SNX30: variants seen among roughly 807,000 people sequenced by gnomAD.
SNX30 encodes sorting nexin-30.
Under a neutral mutation model 46.4 loss-of-function variants are expected in SNX30, and 24 were observed. The observed-to-expected ratio is 0.52, with a 90% confidence interval of 0.37 to 0.73. The LOEUF is 0.73. Ranked by LOEUF, SNX30 falls within the 30% of genes least tolerant of loss-of-function variation. The pLI, the probability that SNX30 is intolerant of heterozygous loss-of-function variation, is 0.00. For synonymous variants in SNX30, 189 were observed against 211.5 expected, an observed-to-expected ratio of 0.89 and a Z score of 0.92; for missense variants, 533 against 555.7, an observed-to-expected ratio of 0.96 and a Z score of 0.41.
chr9:112,796,093 C>T (rs973271301), intron 1 of SNX30, among the ~76,000 whole-genome samples: 4 of 152,236 alleles, frequency 2.6e-5, no homozygotes, highest in Non-Finnish European at 2.9e-5. Context: ...ACTGGTCCCT[C>T]GGATGTGGAA....
chr9:112,752,724 T>A (rs1401908429), intron 1 of SNX30, among the ~76,000 whole-genome samples: 1 of 152,100 alleles, frequency 6.6e-6, no homozygotes, highest in African/African-American at 2.4e-5. Context: ...GGACACTGAA[T>A]TAATTATCTA....
intron 6 of SNX30, among the ~76,000 whole-genome samples, chr9:112,844,419 T>A (rs1273735186): frequency 6.6e-6 from 1 of 152,104 alleles, no homozygotes; most frequent in East Asian, 1.9e-4. Flanking sequence ...GAGTCATTAG[T>A]GTATGAATGG....
At chr9:112,825,016 G>A (rs183722809) in intron 3 of SNX30, among the ~76,000 whole-genome samples, 1 of 152,206 alleles carries the variant, frequency 6.6e-6, no homozygotes, top group Non-Finnish European at 1.5e-5. Flanking sequence ...TTCCCAGCCC[G>A]GCTATAATGA....
In SNX30 at chr9:112,840,482, T is replaced by TTTTG. The variant is rs531050664; in HGVS notation, c.1014+1797_1014+1800dup. Among the ~76,000 whole-genome samples the TTTTG allele has an allele frequency of 2.2e-3, 337 of 152,282 alleles. 3 individuals are homozygous for TTTTG. The highest frequency in any genetic ancestry group is 0.018 in the South Asian group (87 of 4,820). On this transcript the variant is annotated intron_variant, in intron 6 of 8. Transcript: ENST00000374232. ...TTATCAAACTAATGGTATCTGTGTTTTTTGTTTGTTTGTTTTTTTGAGATG... is the reference window on the plus strand; with the variant it reads ...TTATCAAACTAATGGTATCTGTGTTTTTTGTTTGTTTGTTTGTTTTTTTGAGATG...
chr9:112,807,030 T>C (rs886319603), intron 2 of SNX30, among the ~76,000 whole-genome samples: 1 of 150,666 alleles, frequency 6.6e-6, no homozygotes, highest in African/African-American at 2.4e-5. Flanking sequence ...TTGATGTTAC[T>C]ACTCTGTCTT....
At chr9:112,831,531 C>A (rs1840659244) in intron 4 of SNX30, among the ~76,000 whole-genome samples, 1 of 152,190 alleles carries the variant, frequency 6.6e-6, no homozygotes, top group African/African-American at 2.4e-5. Flanking sequence ...TTACTTGCAG[C>A]TGCATTTTAC....
At chr9:112,859,085 C>A (rs1841184682) in intron 7 of SNX30, among the ~76,000 whole-genome samples, 1 of 152,156 alleles carries the variant, frequency 6.6e-6, no homozygotes, top group East Asian at 1.9e-4. Flanking sequence ...AAACAACTCT[C>A]CATTCCCCCT....
chr9:112,759,813 C>G lies in SNX30; in HGVS notation c.156+8656C>G, dbSNP rs554735221. Among the ~76,000 whole-genome samples, 7 of 151,962 alleles carry G rather than the reference C, an allele frequency of 4.6e-5. No individual in the cohort carries two copies. In the South Asian group the frequency reaches 1.5e-3, roughly 32 times the overall value. ...CCACCACTTAGAGTCTTGGTAACAG[C>G]AAGTTGTTTAACGTCTCTGAGCCTC... is the stretch of plus-strand genomic sequence containing the variant. On this transcript the variant is annotated intron_variant, in intron 1 of 8. Coordinates refer to ENST00000374232, the MANE Select transcript of SNX30 (RefSeq NM_001012994.2).
At chr9:112,848,753 A>G (rs1177363820) in intron 6 of SNX30, among the ~76,000 whole-genome samples, 1 of 152,234 alleles carries the variant, frequency 6.6e-6, no homozygotes, top group Non-Finnish European at 1.5e-5. Context: ...GGGCCAGGGC[A>G]GGCCCAGGCC....
intron 1 of SNX30, among the ~76,000 whole-genome samples, chr9:112,789,870 T>G (rs1839992752): frequency 6.6e-6 from 1 of 152,218 alleles, no homozygotes; most frequent in Admixed American, 6.6e-5. Context: ...TGAAAAACAT[T>G]TTCAGTTTCT....
rs959561564 is a variant in SNX30, at chr9:112,870,362, A to G, written c.*1519A>G. 1 of 152,376 alleles carries G rather than the reference A, an allele frequency of 6.6e-6. No homozygotes were observed. Among genetic ancestry groups the G allele is most frequent in the East Asian group, 1.9e-4 (1 of 5,190 alleles). 9.4% of individuals were successfully genotyped at this position (152,376 alleles called of 1,614,324 possible). On this transcript the variant is annotated 3_prime_UTR_variant, in exon 9 of 9. Transcript: ENST00000374232. ...CTGGAAATACTGGTCAGCGGGCAGC[A>G]CGTCAAGGTCACTTAAGCCCACTTT...
rs1384657632 is a variant in SNX30, at chr9:112,870,908, C to T, written c.*2065C>T. ...GAATGTTTGGAAAAAACTGGAGTTA[C>T]AGGAAAATGAAATCTGACTATCTGC... is the stretch of plus-strand genomic sequence containing the variant. On this transcript the variant is annotated 3_prime_UTR_variant, in exon 9 of 9. Transcript: ENST00000374232. The T allele has an allele frequency of 6.6e-6, 1 of 152,226 alleles. No homozygotes were observed. The highest frequency in any genetic ancestry group is 6.5e-5 in the Admixed American group (1 of 15,280). 9.4% of individuals were successfully genotyped at this position (152,226 alleles called of 1,614,324 possible). A position where few individuals can be genotyped will look rare whatever the true frequency, so the allele number is the denominator to read the frequency against.
chr9:112,805,760 C>A (rs1046746664), intron 2 of SNX30, among the ~76,000 whole-genome samples: 1 of 152,154 alleles, frequency 6.6e-6, no homozygotes, highest in Non-Finnish European at 1.5e-5. Context: ...TGAGCCACCA[C>A]GCCCAGCCAA....
rs143838788 is a variant in SNX30 at position 112,827,421 on chromosome 9, G to A, written c.460-3304G>A. Among the ~76,000 whole-genome samples the A allele has an allele frequency of 6.9e-4, 105 of 152,316 alleles. No individual in the cohort carries two copies. The South Asian group carries it at 7.9e-3, about 11-fold the overall frequency. On this transcript the variant is annotated intron_variant, in intron 3 of 8. Coordinates refer to ENST00000374232, the MANE Select transcript of SNX30 (RefSeq NM_001012994.2). Reference sequence around the variant, plus strand: ...CAAAGTCAAAAGATAAACCCAGGAAGCATGGCATCAGAATCTTTACTCTTG... The same window carrying A: ...CAAAGTCAAAAGATAAACCCAGGAAACATGGCATCAGAATCTTTACTCTTG...
chr9:112,821,830 C>T (rs1256895500), intron 3 of SNX30, among the ~76,000 whole-genome samples: 1 of 151,840 alleles, frequency 6.6e-6, no homozygotes, highest in Non-Finnish European at 1.5e-5. Context: ...GTTGTTTTGT[C>T]ACCCAGGCTG....
downstream of SNX30, among the ~76,000 whole-genome samples, chr9:112,876,627 C>T (rs143593452): frequency 2.5e-3 from 383 of 150,886 alleles, 3 homozygotes; most frequent in African/African-American, 8.9e-3. Flanking sequence ...AGGACAGGAC[C>T]TTGGAGGCCT....
intron 2 of SNX30, among the ~76,000 whole-genome samples, chr9:112,810,384 C>T (rs1479158478): frequency 6.6e-6 from 1 of 151,996 alleles, no homozygotes; most frequent in Non-Finnish European, 1.5e-5. Flanking sequence ...TGGGTTTTTA[C>T]GAGTTGGGTG....
chr9:112,829,155 T>G (rs774560994), intron 3 of SNX30, among the ~76,000 whole-genome samples: 1 of 152,250 alleles, frequency 6.6e-6, no homozygotes, highest in Non-Finnish European at 1.5e-5. Flanking sequence ...ATTCACATGT[T>G]GATGGACATT....
intron 2 of SNX30, among the ~76,000 whole-genome samples, chr9:112,805,435 G>A (rs1234812819): frequency 6.6e-6 from 1 of 152,076 alleles, no homozygotes; most frequent in East Asian, 1.9e-4. Context: ...CAGGTGTTGA[G>A]ATTTAATTGA....
Sources: allele counts gnomAD v4.1 joint callset (sites outside exome capture counted in the v4.1 genomes callset), GRCh38; gene constraint gnomAD v4.1.1; transcripts MANE v1.5; gene names NCBI Gene and HGNC (gene_info 2026-07-23, HGNC 2026-07-21).